Variants in CLTCL1 observed in about 807,000 individuals in gnomAD.
The protein encoded by CLTCL1 is clathrin heavy chain 2.
Under a neutral mutation model 190.0 loss-of-function variants are expected in CLTCL1, and 159 were observed. The ratio of observed to expected loss-of-function variants is 0.84; its 90% confidence interval spans 0.74 to 0.95. The LOEUF is 0.95. Among genes scored for constraint, CLTCL1 ranks in the 40% least tolerant of loss-of-function variants. The pLI, the probability that CLTCL1 is intolerant of heterozygous loss-of-function variation, is 0.00. For synonymous variants in CLTCL1, 752 were observed against 769.6 expected (o/e 0.98, Z 0.38); for missense variants, 1,878 against 2,033.4 (o/e 0.92, Z 1.47).
chr22:19,282,985 C>T (rs932604860), intron 1 of CLTCL1, among the ~76,000 whole-genome samples: 1 of 151,602 alleles, frequency 6.6e-6, no homozygotes, highest in Non-Finnish European at 1.5e-5. Context: ...GATTCTCCAG[C>T]CTCAGCCTCC....
chr22:19,210,969 G>C lies in CLTCL1; in HGVS notation c.3066-460C>G, dbSNP rs554225049. ...GCTGGTCTCAAACTCCTGGCCTCAAGTGATCCTCCCACCTTGCCCCCACAA... is the reference window on the plus strand; with the variant it reads ...GCTGGTCTCAAACTCCTGGCCTCAACTGATCCTCCCACCTTGCCCCCACAA... On this transcript the variant is annotated intron_variant, in intron 19 of 32. Coordinates refer to ENST00000427926, the MANE Select transcript of CLTCL1 (RefSeq NM_007098.4). Among the ~76,000 whole-genome samples the C allele has an allele frequency of 9.9e-5, 15 of 152,212 alleles. No homozygotes were observed. In the East Asian group the frequency reaches 2.9e-3, roughly 29 times the overall value.
At chr22:19,200,187 T>C (rs1297020586) in intron 23 of CLTCL1, among the ~76,000 whole-genome samples, 1 of 152,186 alleles carries the variant, frequency 6.6e-6, no homozygotes, top group African/African-American at 2.4e-5. Context: ...TCAGAATGCA[T>C]CTCATCTGAG....
Position 19,207,503 on chromosome 22 carries a change from C to T in CLTCL1, c.3600+651G>A, listed in dbSNP as rs560212939. The T allele has an allele frequency of 2.2e-3, 895 of 400,864 alleles. 2 individuals are homozygous for T. The highest frequency in any genetic ancestry group is 3.4e-3 in the Non-Finnish European group (769 of 227,632). The allele number at this position is 400,864 out of a possible 1,614,324, so 24.8% of individuals were successfully genotyped here. A position where few individuals can be genotyped will look rare whatever the true frequency, so the allele number is the denominator to read the frequency against. ...GTCTCAATTTCCATACCAATAATAGCAACAGGTTACTTACTTCCTCGTGTG... is the reference window on the plus strand; with the variant it reads ...GTCTCAATTTCCATACCAATAATAGTAACAGGTTACTTACTTCCTCGTGTG... On this transcript the variant is annotated intron_variant, in intron 22 of 32. Transcript: ENST00000427926.
Position 19,187,660 on chromosome 22 carries a change from C to G in CLTCL1, c.4503G>C (p.Lys1501Asn), listed in dbSNP as rs2084357252. The G allele has an allele frequency of 3.1e-6, 5 of 1,613,756 alleles. No homozygotes were observed. The East Asian group carries it at 1.1e-4, about 36-fold the overall frequency. Residue 1501 changes from lysine (K) to asparagine (N), a missense_variant, in exon 29 of 33, where the codon AAG becomes AAC. Physicochemically the swap from Lys to Asn is moderately conservative, Grantham distance 94. Transcript: ENST00000427926. Reference protein sequence around the residue: ...DNISLAQQLEKHQLMEFRCIA... With the variant: ...DNISLAQQLENHQLMEFRCIA... ...TGCACCTGAACTCCATCAGCTGATGCTTCTCCAGCTGCTGAGCCAGGCTGA... is the reference window on the plus strand; with the variant it reads ...TGCACCTGAACTCCATCAGCTGATGGTTCTCCAGCTGCTGAGCCAGGCTGA...
intron 2 of CLTCL1, among the ~76,000 whole-genome samples, chr22:19,271,970 A>G (rs2087335725): frequency 6.6e-6 from 1 of 152,184 alleles, no homozygotes; most frequent in African/African-American, 2.4e-5. Context: ...TTAGCTGGGC[A>G]TGGTGGCATG....
At position 19,179,825 on chromosome 22, in the gene CLTCL1, C is replaced by T. The variant is rs1182210493; in HGVS notation, c.*165G>A. On this transcript the variant is annotated 3_prime_UTR_variant, in exon 33 of 33. Coordinates refer to ENST00000427926, the MANE Select transcript of CLTCL1 (RefSeq NM_007098.4). ...CCCTGTGCTGCTGGAGTGACATGCTCCTTGGAGAAGTTAGTAACTCTGCAG... is the reference window on the plus strand; with the variant it reads ...CCCTGTGCTGCTGGAGTGACATGCTTCTTGGAGAAGTTAGTAACTCTGCAG... The T allele has an allele frequency of 7.1e-6, 2 of 283,102 alleles. No individual in the cohort carries two copies. Among genetic ancestry groups the T allele is most frequent in the Non-Finnish European group, 1.4e-5 (2 of 147,626 alleles). 17.5% of individuals were successfully genotyped at this position (283,102 alleles called of 1,614,324 possible).
intron 18 of CLTCL1, among the ~76,000 whole-genome samples, chr22:19,218,999 G>A (rs1407575985): frequency 6.6e-6 from 1 of 152,126 alleles, no homozygotes; most frequent in Non-Finnish European, 1.5e-5. Flanking sequence ...CATGACACCA[G>A]GTACTCTCTT....
In CLTCL1 at chr22:19,207,562, T is replaced by C. The variant is rs2085089669; in HGVS notation, c.3600+592A>G. On this transcript the variant is annotated intron_variant, in intron 22 of 32. Coordinates refer to ENST00000427926, the MANE Select transcript of CLTCL1 (RefSeq NM_007098.4). Reference sequence around the variant, plus strand: ...CTCATGATCTTTATCTGCATCACACTAAAGCAGCGGTCCCCAACCCCCATG... The same window carrying C: ...CTCATGATCTTTATCTGCATCACACCAAAGCAGCGGTCCCCAACCCCCATG... 2.2e-5 allele frequency: 9 copies of C among 406,676 alleles called. No individual in the cohort carries two copies. The South Asian group carries it at 1.0e-3, about 47-fold the overall frequency. 25.2% of individuals were successfully genotyped at this position (406,676 alleles called of 1,614,324 possible).
chr22:19,198,523 G>C lies in CLTCL1; in HGVS notation c.3873+1211C>G, dbSNP rs1239177254. ...CATCTCTGGCTCCAGCCCCTTCCTT[G>C]AATACACAGCACACTTCTGCCTCAG... is the stretch of plus-strand genomic sequence containing the variant. On this transcript the variant is annotated intron_variant, in intron 24 of 32. Transcript: ENST00000427926. This position sits in a 1 kb window ranked among gnomAD's most constrained non-coding sequence, Gnocchi z 4.1. Among the ~76,000 whole-genome samples the C allele has an allele frequency of 1.3e-5, 2 of 152,066 alleles. No individual in the cohort carries two copies. The highest frequency in any genetic ancestry group is 2.9e-5 in the Non-Finnish European group (2 of 68,006).
intron 19 of CLTCL1, among the ~76,000 whole-genome samples, chr22:19,211,835 T>G (rs1443639004): frequency 7.8e-6 from 1 of 128,976 alleles, no homozygotes; most frequent in African/African-American, 3.0e-5. Flanking sequence ...TAAAAAAAAC[T>G]GAAGAAATCT....
At chr22:19,221,914 C>T in intron 16 of CLTCL1, 37 bp downstream of exon 16, 1 of 1,608,268 alleles carries the variant, frequency 6.2e-7, no homozygotes, top group Non-Finnish European at 8.5e-7. Context: ...CACTAGAATC[C>T]AGGGGTAAGA....
In CLTCL1 at chr22:19,210,419, T is replaced by C. The variant is rs2085182305; in HGVS notation, c.3156A>G (p.Ala1052=). 6.2e-7 allele frequency: 1 copy of C among 1,614,032 alleles called. No homozygotes were observed. Among genetic ancestry groups the C allele is most frequent in the African/African-American group, 1.3e-5 (1 of 75,062 alleles). Residue 1052 remains alanine (A), a synonymous_variant, in exon 20 of 33, where the codon GCA becomes GCG. Coordinates refer to ENST00000427926, the MANE Select transcript of CLTCL1 (RefSeq NM_007098.4). The stretch of plus-strand genomic sequence containing the variant: ...TGACAGCGATGCTCGCGATGTCCAG[T>C]GCGTCATAGTTGTCCAGGCGGCTGA... ...EYISRLDNYD[A]LDIASIAVSS...
chr22:19,184,348 C>A (rs9605954), intron 29 of CLTCL1: 1 of 406,972 alleles, frequency 2.5e-6, no homozygotes, highest in Non-Finnish European at 5.0e-6. Context: ...CAGGGATACC[C>A]TGTGGCGGTC....
chr22:19,274,672 C>T (rs1555982221), intron 2 of CLTCL1, among the ~76,000 whole-genome samples: 3 of 151,308 alleles, frequency 2.0e-5, no homozygotes, highest in African/African-American at 7.3e-5. Context: ...CTAGGCAAAG[C>T]TAATATTTGG....
chr22:19,201,691 T>G (rs546458336), intron 22 of CLTCL1, among the ~76,000 whole-genome samples, 198 bp from the exon 23 acceptor site: 17 of 152,140 alleles, frequency 1.1e-4, no homozygotes, highest in African/African-American at 3.9e-4. Flanking sequence ...CAGGGGGCGC[T>G]TCTACCTGCC....
At position 19,231,886 on chromosome 22, in the gene CLTCL1, A is replaced by T. The variant is rs188321464; in HGVS notation, c.1644+590T>A. On this transcript the variant is annotated intron_variant, in intron 10 of 32. Transcript: ENST00000427926. ...TATCTGCAGATTCCCAGATGTACAA[A>T]CACATACAACTGCACTTATTATTTC... is the stretch of plus-strand genomic sequence containing the variant. Among the ~76,000 whole-genome samples, 230 of 152,332 alleles carry T rather than the reference A, an allele frequency of 1.5e-3. No individual in the cohort carries two copies. The Middle Eastern group carries it at 0.017, about 11-fold the overall frequency.
chr22:19,185,069 C>G (rs28391695), intron 29 of CLTCL1, among the ~76,000 whole-genome samples: 1 of 152,248 alleles, frequency 6.6e-6, no homozygotes, highest in African/African-American at 2.4e-5. Flanking sequence ...TGACTGGACA[C>G]GCTGTGACCT....
intron 19 of CLTCL1, among the ~76,000 whole-genome samples, chr22:19,213,784 T>C (rs1374636165): frequency 2.0e-5 from 3 of 152,024 alleles, no homozygotes; most frequent in Admixed American, 1.3e-4. Context: ...TTTGGGGGAA[T>C]GTATAATATA....
chr22:19,192,178 G>A (rs770105135), intron 26 of CLTCL1, among the ~76,000 whole-genome samples: 48 of 148,502 alleles, frequency 3.2e-4, no homozygotes, highest in Non-Finnish European at 5.0e-4. Flanking sequence ...CCATTCTCCT[G>A]CCTCAGCCTC....
Sources: gnomAD v4.1 joint callset for allele counts (sites outside exome capture counted in the v4.1 genomes callset) on GRCh38, gnomAD v4.1.1 for gene constraint, Gnocchi (gnomAD v3.1) non-coding constraint, MANE v1.5 for transcripts, NCBI Gene and HGNC (gene_info 2026-07-23, HGNC 2026-07-21) for gene names.